The following CNTRL variants were observed in gnomAD, a reference collection of about 807,000 sequenced individuals.
The protein encoded by CNTRL is 110 kDa centrosomal protein.
A neutral mutation model predicts 303.7 loss-of-function variants in CNTRL; 233 were observed. That is an observed-to-expected ratio of 0.77 (90% CI 0.69 to 0.86). The LOEUF (loss-of-function observed/expected upper bound fraction) is 0.86. CNTRL is among the 40% of genes least tolerant of loss of function. The pLI, the probability that CNTRL is intolerant of heterozygous loss-of-function variation, is 0.00. For missense variants in CNTRL, 2,524 were observed against 2,650.6 expected (o/e 0.95, Z 1.05); for synonymous variants, 900 against 922.2 (o/e 0.98, Z 0.44).
intron 1 of CNTRL, among the ~76,000 whole-genome samples, chr9:121,079,611 C>G (rs1588032046): frequency 6.6e-6 from 1 of 152,236 alleles, no homozygotes; most frequent in East Asian, 1.9e-4. Context: ...TTGCTTTATA[C>G]TTGTTTATAT....
chr9:121,111,504 G>A (rs1200472908), intron 8 of CNTRL, among the ~76,000 whole-genome samples: 1 of 151,962 alleles, frequency 6.6e-6, no homozygotes, highest in Admixed American at 6.6e-5. Context: ...TAAAATGTTT[G>A]TGTTTGTTTA....
Position 121,094,883 on chromosome 9 carries a change from A to T in CNTRL, c.349-5A>T. ...TAAAGTATTCATTCATTTGTTTCCA[A>T]TTAGTATATTGAGAATTTGGAAAAA... On this transcript the variant is annotated splice_polypyrimidine_tract_variant and splice_region_variant and intron_variant, in intron 4 of 43. Transcript: ENST00000373855. 3.2e-6 allele frequency: 5 copies of T among 1,541,004 alleles called. No individual in the cohort carries two copies. Among genetic ancestry groups the T allele is most frequent in the Non-Finnish European group, 4.4e-6 (5 of 1,129,130 alleles).
At chr9:121,108,660 G>A (rs75718074) in intron 8 of CNTRL, among the ~76,000 whole-genome samples, 4,509 of 151,854 alleles carry the variant, frequency 0.03, 219 homozygotes, top group East Asian at 0.17. Context: ...TATGCCAGGC[G>A]CCATCGCTCA....
chr9:121,124,774 CAAAA>C (rs5900470), intron 13 of CNTRL, among the ~76,000 whole-genome samples: 2 of 102,112 alleles, frequency 2.0e-5, no homozygotes, highest in African/African-American at 5.1e-5. Context: ...CCCGTCTCTA[CAAAA>C]AAAAAAAAAA....
chr9:121,138,481 G>T, intron 15 of CNTRL, 64 bp from the exon 16 acceptor site: 1 of 1,524,994 alleles, frequency 6.6e-7, no homozygotes, highest in Non-Finnish European at 9.0e-7. Context: ...ATTTATTTGT[G>T]CCTTTTAAAA....
At chr9:121,077,571 C>A (rs1041744511) in intron 1 of CNTRL, among the ~76,000 whole-genome samples, 6 of 152,096 alleles carry the variant, frequency 3.9e-5, no homozygotes, top group Non-Finnish European at 8.8e-5. Context: ...ATGAGTAAGC[C>A]TGACTTTTAC....
chr9:121,169,854 A>G (rs1157024455), intron 39 of CNTRL, 38 bp downstream of exon 39: 2 of 1,574,948 alleles, frequency 1.3e-6, no homozygotes. Flanking sequence ...TGAGGAAATG[A>G]TAAATTTAAA....
rs779581489 is a variant in CNTRL at position 121,125,909 on chromosome 9, T to G, written c.1998T>G (p.Val666=). ...AGGAGAGAGACCAGCTGGAAATAGT[T>G]GCCATGGATGCAGAAAATATGAGGA... ...VEQERDQLEI[V]AMDAENMRKE... The change falls in exon 14 of 44, where the codon GTT becomes GTG. Residue 666 remains valine, a synonymous_variant. Transcript: ENST00000373855. 6.2e-7 allele frequency: 1 copy of G among 1,614,186 alleles called. No homozygotes were observed. Among genetic ancestry groups the G allele is most frequent in the Admixed American group, 1.7e-5 (1 of 60,028 alleles).
chr9:121,144,164 A>G (rs2051693911), intron 20 of CNTRL, 82 bp downstream of exon 20: 11 of 1,216,080 alleles, frequency 9.0e-6, no homozygotes, highest in East Asian at 2.5e-5. Context: ...TGATCTTGCT[A>G]TAGACATTGG....
chr9:121,174,115 G>T (rs1301399262), intron 42 of CNTRL, among the ~76,000 whole-genome samples: 1 of 152,216 alleles, frequency 6.6e-6, no homozygotes, highest in Non-Finnish European at 1.5e-5. Flanking sequence ...TGTCAGGTAA[G>T]GAATTGTTTG....
intron 32 of CNTRL, chr9:121,161,563 G>C (rs1296502003): frequency 5.3e-5 from 19 of 358,692 alleles, no homozygotes; most frequent in Non-Finnish European, 2.5e-5. Flanking sequence ...AACCAGGCTA[G>C]TCTCAAACCC....
chr9:121,136,848 A>C (rs1337785326), intron 15 of CNTRL, among the ~76,000 whole-genome samples: 2 of 152,228 alleles, frequency 1.3e-5, no homozygotes, highest in East Asian at 3.8e-4. Context: ...CAAGTGAAAC[A>C]GGTATGGAAG....
chr9:121,165,065 A>G lies in CNTRL; in HGVS notation c.5546A>G (p.His1849Arg), dbSNP rs368227558. ...DQLNRDKLSL[H>R]NDISAMQQQL... ...CTAAACAGAGACAAGTTGTCACTGC[A>G]TAACGACATTTCAGCAATGCAACAG... The change falls in exon 35 of 44, where the codon CAT (histidine) becomes CGT (arginine). Residue 1849 changes from histidine (H) to arginine (R), a missense_variant. Coordinates refer to ENST00000373855, the MANE Select transcript of CNTRL (RefSeq NM_007018.6). 1.9e-6 allele frequency: 3 copies of G among 1,599,994 alleles called. No homozygotes were observed. Among genetic ancestry groups the G allele is most frequent in the South Asian group, 1.1e-5 (1 of 88,696 alleles).
chr9:121,121,267 C>T, intron 12 of CNTRL, among the ~76,000 whole-genome samples: 1 of 152,140 alleles, frequency 6.6e-6, no homozygotes, highest in East Asian at 1.9e-4. Flanking sequence ...CTTTTATTAA[C>T]ATCTATCCAT....
At chr9:121,082,586 C>T (rs1396645406) in intron 2 of CNTRL, among the ~76,000 whole-genome samples, 1 of 152,190 alleles carries the variant, frequency 6.6e-6, no homozygotes, top group South Asian at 2.1e-4. Context: ...ATAGGATAGC[C>T]TGTTGCTCCT....
rs577122346 is a variant in CNTRL, at chr9:121,131,438, A to G, written c.2026-4368A>G. Among the ~76,000 whole-genome samples the G allele has an allele frequency of 1.6e-3, 241 of 152,276 alleles. 6 individuals carry two copies. The highest frequency in any genetic ancestry group is 3.4e-3 in the Middle Eastern group (1 of 294). The stretch of plus-strand genomic sequence containing the variant: ...GTTGGTTTAAAGTCTGTTTTATCAG[A>G]GACTAGGATTGCAGGCCCTGCTTTT... On this transcript the variant is annotated intron_variant, in intron 14 of 43. Coordinates refer to ENST00000373855, the MANE Select transcript of CNTRL (RefSeq NM_007018.6).
At chr9:121,124,228 C>T (rs572226030) in intron 13 of CNTRL, 144 bp downstream of exon 13, 1 of 743,156 alleles carries the variant, frequency 1.3e-6, no homozygotes, top group Admixed American at 3.5e-5. Context: ...TTACAGGATA[C>T]CCAAAAGTAG....
intron 36 of CNTRL, 87 bp from the exon 37 acceptor site, chr9:121,167,402 T>G: frequency 9.7e-7 from 1 of 1,028,260 alleles, no homozygotes; most frequent in Non-Finnish European, 1.4e-6. Context: ...TCTCGTTCTG[T>G]CAGACTTAGT....
intron 34 of CNTRL, 92 bp from the exon 35 acceptor site, chr9:121,164,851 A>G: frequency 2.2e-6 from 2 of 920,336 alleles, no homozygotes; most frequent in Non-Finnish European, 1.6e-6. Flanking sequence ...TATACTTTCC[A>G]TAACTGTATG....
Sources: allele counts gnomAD v4.1 joint callset (sites outside exome capture counted in the v4.1 genomes callset), GRCh38; gene constraint gnomAD v4.1.1; transcripts MANE v1.5; gene names NCBI Gene and HGNC (gene_info 2026-07-23, HGNC 2026-07-21).